SPNS2: variants seen among roughly 807,000 people sequenced by gnomAD.
SPNS2 encodes the protein SPNS lysolipid transporter 2, sphingosine-1-phosphate, also known as sphingosine-1-phosphate transporter SPNS2.
Under a neutral mutation model 57.6 loss-of-function variants are expected in SPNS2, and 37 were observed. The ratio of observed to expected loss-of-function variants is 0.64; its 90% CI spans 0.49 to 0.85. The LOEUF (loss-of-function observed/expected upper bound fraction) is 0.85, where lower values mean the gene tolerates loss of function less well. Ranked by LOEUF, SPNS2 falls within the 40% of genes least tolerant of loss-of-function variation. The probability of loss-of-function intolerance (pLI) is 0.00; values close to 1 mark genes in which losing one functional copy is unlikely to be tolerated. For synonymous variants in SPNS2, 440 were observed against 346.9 expected (o/e 1.27, Z -2.98); for missense variants, 831 against 779.1 (o/e 1.07, Z -0.79).
At chr17:4,504,931 A>C (rs538339793) in intron 1 of SPNS2, among the ~76,000 whole-genome samples, 56 of 152,250 alleles carry the variant, frequency 3.7e-4, no homozygotes, top group African/African-American at 1.2e-3. Flanking sequence ...ACTTGGTCTC[A>C]GGAACTCCAG....
chr17:4,536,866 G>A (rs755268487), intron 11 of SPNS2, 34 bp from the exon 12 acceptor site: 1 of 1,606,132 alleles, frequency 6.2e-7, no homozygotes, highest in Non-Finnish European at 8.5e-7. Flanking sequence ...CCCCGCTGAT[G>A]CACCACCCTG....
intron 1 of SPNS2, among the ~76,000 whole-genome samples, chr17:4,502,943 G>A (rs1003865636): frequency 1.2e-4 from 18 of 152,104 alleles, no homozygotes; most frequent in Admixed American, 5.9e-4. Context: ...TGCTAATTAC[G>A]GCCTCTCCTC....
chr17:4,522,185 C>T (rs1025784980), intron 2 of SPNS2, among the ~76,000 whole-genome samples: 2 of 152,086 alleles, frequency 1.3e-5, no homozygotes, highest in Non-Finnish European at 1.5e-5. Flanking sequence ...GGCGACAGAG[C>T]GAAACTCCAT....
rs768896891 is a variant in SPNS2, at chr17:4,513,293, C to A, written c.417C>A (p.Gly139=). 5.6e-6 allele frequency: 9 copies of A among 1,613,954 alleles called. No individual in the cohort carries two copies. Among genetic ancestry groups the A allele is most frequent in the Admixed American group, 1.7e-5 (1 of 60,010 alleles). ...AGCACTTTGGGGTCAAGGACCGAGG[C>A]GCCGGCCTGCTGCAGTCAGGTGAGG... is the stretch of plus-strand genomic sequence containing the variant. The part of the protein sequence containing the change: ...IQQHFGVKDR[G]AGLLQSVFIC... Residue 139 remains glycine, a synonymous_variant, in exon 2 of 13, where the codon GGC becomes GGA. Coordinates refer to ENST00000329078, the MANE Select transcript of SPNS2 (RefSeq NM_001124758.3).
At chr17:4,530,152 C>T (rs117352931) in intron 3 of SPNS2, among the ~76,000 whole-genome samples, 531 of 151,966 alleles carry the variant, frequency 3.5e-3, no homozygotes, top group Non-Finnish European at 5.5e-3. Context: ...TCCCTGCCAA[C>T]GCCCCACTCC....
rs567031453 is a variant in SPNS2, at chr17:4,512,757, C to CGT, written c.371-482_371-481dup. Among the ~76,000 whole-genome samples the CGT allele has an allele frequency of 4.6e-5, 7 of 151,832 alleles. No individual in the cohort carries two copies. In the South Asian group the frequency reaches 1.5e-3, roughly 32 times the overall value. On this transcript the variant is annotated intron_variant, in intron 1 of 12. Coordinates refer to ENST00000329078, the MANE Select transcript of SPNS2 (RefSeq NM_001124758.3). This position sits in a 1 kb window ranked among gnomAD's most constrained non-coding sequence, Gnocchi z 5.2. ...GTGTGTGTGCATGTACAGGTGTGTG[C>CGT]GTGTGTGTGCGAATGTGGTTGTGCA...
intron 11 of SPNS2, 99 bp from the exon 12 acceptor site, chr17:4,536,801 C>A (rs992505038): frequency 3.0e-6 from 3 of 1,005,010 alleles, no homozygotes; most frequent in Non-Finnish European, 4.6e-6. Flanking sequence ...TGCCCAGCAC[C>A]TCCGGTCAGC....
rs376118515 is a variant in SPNS2, at chr17:4,533,831, C to T, written c.1322C>T (p.Ala441Val). ...GAGACGCTGCTGTTTTCTAACTGGG[C>T]CATCACTGCAGACATCCTCATGGTG... The part of the protein sequence containing the change: ...VGETLLFSNW[A>V]ITADILMYVV... The change falls in exon 9 of 13, where the codon GCC becomes GTC. Residue 441 changes from alanine (A) to valine (V), a missense_variant. Coordinates refer to ENST00000329078, the MANE Select transcript of SPNS2 (RefSeq NM_001124758.3). The T allele has an allele frequency of 6.2e-7, 1 of 1,613,498 alleles. No homozygotes were observed. Among genetic ancestry groups the T allele is most frequent in the Non-Finnish European group, 8.5e-7 (1 of 1,180,026 alleles).
intron 9 of SPNS2, among the ~76,000 whole-genome samples, chr17:4,534,182 G>C (rs58472777): frequency 0.06 from 9,207 of 152,276 alleles, 338 homozygotes; most frequent in Admixed American, 0.11. Flanking sequence ...CCCCCCGCTG[G>C]GTCTGAGCAT....
chr17:4,535,517 C>T (rs1337562270), intron 9 of SPNS2, among the ~76,000 whole-genome samples: 8 of 152,198 alleles, frequency 5.3e-5, no homozygotes, highest in Non-Finnish European at 4.4e-5. Flanking sequence ...AGGGCAGAAG[C>T]CAAGGCACCC....
rs1488042066 is a variant in SPNS2 at position 4,532,635 on chromosome 17, C to T, written c.886C>T (p.Leu296Phe). 6.2e-7 allele frequency: 1 copy of T among 1,614,142 alleles called. No individual in the cohort carries two copies. The highest frequency in any genetic ancestry group is 8.5e-7 in the Non-Finnish European group (1 of 1,180,036). ...TCATGCCGACCAGCTCGGGGACCAGCTCAAGGCCCGGACCTCATGGCTCCG... is the reference window on the plus strand; with the variant it reads ...TCATGCCGACCAGCTCGGGGACCAGTTCAAGGCCCGGACCTCATGGCTCCG... Reference protein sequence around the residue: ...RGHADQLGDQLKARTSWLRDM... With the variant: ...RGHADQLGDQFKARTSWLRDM... The change falls in exon 6 of 13, where the codon CTC (leucine) becomes TTC (phenylalanine). Residue 296 changes from leucine to phenylalanine, a missense_variant. This residue lies in a region of SPNS2 where 526 missense variants were observed against 400.9 expected (regional missense o/e 1.31). Coordinates refer to ENST00000329078, the MANE Select transcript of SPNS2 (RefSeq NM_001124758.3).
chr17:4,522,110 AATCGC>A (rs1352040166), intron 2 of SPNS2, among the ~76,000 whole-genome samples: 2 of 152,202 alleles, frequency 1.3e-5, no homozygotes, highest in African/African-American at 4.8e-5. Flanking sequence ...GAGGCAAGAG[AATCGC>A]TTGAACCCGG....
At chr17:4,517,193 C>T (rs1905017832) in intron 2 of SPNS2, among the ~76,000 whole-genome samples, 1 of 152,146 alleles carries the variant, frequency 6.6e-6, no homozygotes, top group East Asian at 1.9e-4. Flanking sequence ...TAGTTCCAGC[C>T]CCTGCTCCGT....
At chr17:4,533,757 G>C (rs117985496) in intron 8 of SPNS2, 31 bp from the exon 9 acceptor site, 66 of 1,612,308 alleles carry the variant, frequency 4.1e-5, no homozygotes, top group Middle Eastern at 1.6e-4. Flanking sequence ...TGGAGGGACC[G>C]CTGATGGTGG....
chr17:4,517,592 G>T (rs1905027496), intron 2 of SPNS2, among the ~76,000 whole-genome samples: 2 of 152,046 alleles, frequency 1.3e-5, no homozygotes, highest in South Asian at 4.2e-4. Context: ...AGAGGTGGAG[G>T]TTGCAGTGAG....
chr17:4,514,675 C>T (rs1030210241), intron 2 of SPNS2, among the ~76,000 whole-genome samples: 4 of 152,222 alleles, frequency 2.6e-5, no homozygotes, highest in African/African-American at 7.2e-5. Context: ...ATGAGCCCAA[C>T]GCCTCCCCTA....
chr17:4,529,368 C>G (rs891989259), intron 3 of SPNS2, among the ~76,000 whole-genome samples: 2 of 152,164 alleles, frequency 1.3e-5, no homozygotes, highest in Admixed American at 6.5e-5. Flanking sequence ...GCACGAGCCC[C>G]CATGCCCAGC....
chr17:4,527,231 C>T (rs1905282553), intron 3 of SPNS2, among the ~76,000 whole-genome samples: 1 of 152,202 alleles, frequency 6.6e-6, no homozygotes. Flanking sequence ...AGAAAATGCC[C>T]AGGAACAGCC....
chr17:4,522,815 C>T (rs1209443839), intron 2 of SPNS2, among the ~76,000 whole-genome samples: 1 of 152,296 alleles, frequency 6.6e-6, no homozygotes, highest in Non-Finnish European at 1.5e-5. Flanking sequence ...CTCTGGGCCT[C>T]TTCATCCCAC....
Sources: gnomAD v4.1 joint callset for allele counts (sites outside exome capture counted in the v4.1 genomes callset) on GRCh38, gnomAD v4.1.1 for gene constraint, gnomAD v4.1.1 regional missense constraint, Gnocchi (gnomAD v3.1) non-coding constraint, MANE v1.5 for transcripts, NCBI Gene and HGNC (gene_info 2026-07-23, HGNC 2026-07-21) for gene names.